The following PLCE1 variants were observed in gnomAD, a reference collection of about 807,000 sequenced individuals.
PLCE1 encodes the protein phospholipase C epsilon 1, also known as 1-phosphatidylinositol 4,5-bisphosphate phosphodiesterase epsilon-1.
In PLCE1, 119 loss-of-function variants were observed where a neutral mutation model predicts 242.8. The ratio of observed to expected loss-of-function variants is 0.49; its 90% confidence interval spans 0.42 to 0.57. The LOEUF (loss-of-function observed/expected upper bound fraction) is 0.57. Ranked by LOEUF, PLCE1 falls within the 20% of genes least tolerant of loss-of-function variation. PLCE1 has a pLI of 0.00. For missense variants in PLCE1, 2,441 were observed against 2,788.8 expected (o/e 0.88, Z 2.81); for synonymous variants, 945 against 1,017.4 (o/e 0.93, Z 1.35).
intron 1 of PLCE1, among the ~76,000 whole-genome samples, chr10:94,009,608 A>T (rs993717948): frequency 1.3e-5 from 2 of 152,234 alleles, no homozygotes; most frequent in Non-Finnish European, 2.9e-5. Flanking sequence ...AGTCTATAAA[A>T]TCAAAACAAC....
chr10:94,206,908 T>G (rs1188806754), intron 4 of PLCE1, among the ~76,000 whole-genome samples: 1 of 152,252 alleles, frequency 6.6e-6, no homozygotes, highest in Admixed American at 6.5e-5. Context: ...AACTTTAAAG[T>G]ACAGCTGTCA....
At chr10:94,105,681 G>A (rs1047896908) in intron 2 of PLCE1, 5 of 152,132 alleles carry the variant, frequency 3.3e-5, no homozygotes, top group Non-Finnish European at 1.5e-5. Flanking sequence ...CAATAAATAT[G>A]TGTTGAATGA....
intron 1 of PLCE1, among the ~76,000 whole-genome samples, chr10:94,001,853 G>A (rs2060938411): frequency 6.6e-6 from 1 of 152,162 alleles, no homozygotes; most frequent in African/African-American, 2.4e-5. Context: ...TCAGAAAGGT[G>A]GATAAAATTC....
At chr10:94,255,311 C>A (rs1245453700) in intron 11 of PLCE1, among the ~76,000 whole-genome samples, 1 of 152,160 alleles carries the variant, frequency 6.6e-6, no homozygotes, top group African/African-American at 2.4e-5. Flanking sequence ...AGTACACTAG[C>A]CACTAACTAG....
chr10:94,267,910 G>A (rs1156511388), intron 16 of PLCE1, among the ~76,000 whole-genome samples: 1 of 152,210 alleles, frequency 6.6e-6, no homozygotes, highest in Non-Finnish European at 1.5e-5. Context: ...CACTATCTGA[G>A]CTTAGTTGCA....
intron 20 of PLCE1, chr10:94,283,547 T>A: frequency 2.6e-6 from 1 of 386,414 alleles, no homozygotes; most frequent in South Asian, 2.2e-5. Context: ...TTTTGAATCA[T>A]TTAAATTATG....
intron 2 of PLCE1, among the ~76,000 whole-genome samples, chr10:94,082,591 A>G (rs917777908): frequency 2.0e-5 from 3 of 152,174 alleles, no homozygotes; most frequent in Admixed American, 2.0e-4. Context: ...TGTGTTCTTC[A>G]TCATATATCA....
intron 4 of PLCE1, among the ~76,000 whole-genome samples, chr10:94,221,435 C>A (rs536621408): frequency 8.5e-5 from 13 of 152,328 alleles, no homozygotes; most frequent in Admixed American, 3.3e-4. Flanking sequence ...ACATAAACTA[C>A]TTGAAAGTAG....
chr10:94,156,654 T>C (rs113839300), intron 3 of PLCE1, among the ~76,000 whole-genome samples: 1 of 152,158 alleles, frequency 6.6e-6, no homozygotes, highest in East Asian at 1.9e-4. Flanking sequence ...CACCTCAGCA[T>C]GATTAATTTA....
chr10:94,278,929 G>A (rs11187838), intron 19 of PLCE1, among the ~76,000 whole-genome samples: 66,618 of 151,712 alleles, frequency 0.44, 14,628 homozygotes, highest in Middle Eastern at 0.62. Flanking sequence ...AATCTATATA[G>A]TATATTCAAT....
At chr10:94,283,699 A>G (rs1564859952) in intron 20 of PLCE1, 91 bp from the exon 21 acceptor site, 1 of 1,311,528 alleles carries the variant, frequency 7.6e-7, no homozygotes, top group Non-Finnish European at 1.1e-6. Context: ...AGATAAGTAC[A>G]AGTATCTGGA....
intron 21 of PLCE1, 132 bp from the exon 22 acceptor site, chr10:94,284,716 T>A: frequency 1.5e-6 from 1 of 681,236 alleles, no homozygotes; most frequent in Admixed American, 2.2e-5. Context: ...TTGGGACATG[T>A]ATATGGATAA....
At chr10:94,266,100 T>A in intron 16 of PLCE1, 142 bp downstream of exon 16, 2 of 781,648 alleles carry the variant, frequency 2.6e-6, no homozygotes, top group Non-Finnish European at 4.3e-6. Context: ...GGAACCATGA[T>A]GTGTGGGAAA....
chr10:94,327,915 T>A, intron 32 of PLCE1, 53 bp from the exon 33 acceptor site: 5 of 510,614 alleles, frequency 9.8e-6, no homozygotes, highest in Non-Finnish European at 2.0e-5. Context: ...CCGCAAGTGT[T>A]TCTGTTTCTT....
intron 28 of PLCE1, 103 bp downstream of exon 28, chr10:94,313,485 A>T: frequency 7.4e-7 from 1 of 1,351,136 alleles, no homozygotes; most frequent in Non-Finnish European, 1.1e-6. Context: ...ATGCACATGA[A>T]TGCGCAAAAG....
At chr10:94,075,047 C>T (rs1035340647) in intron 2 of PLCE1, among the ~76,000 whole-genome samples, 3 of 150,946 alleles carry the variant, frequency 2.0e-5, no homozygotes, top group Non-Finnish European at 4.4e-5. Context: ...TGCCTGCCTT[C>T]TTCCCCTTCT....
intron 29 of PLCE1, 124 bp from the exon 30 acceptor site, chr10:94,321,777 T>C: frequency 1.4e-6 from 1 of 695,516 alleles, no homozygotes; most frequent in Non-Finnish European, 2.5e-6. Flanking sequence ...TAACATAGTA[T>C]ATGAGATATT....
intron 22 of PLCE1, among the ~76,000 whole-genome samples, chr10:94,291,050 G>A (rs1424926066): frequency 1.3e-5 from 2 of 152,166 alleles, no homozygotes; most frequent in African/African-American, 2.4e-5. Context: ...ACTGTACATC[G>A]CTTGTCTAGT....
At chr10:93,995,167 G>C (rs138011844) in intron 1 of PLCE1, among the ~76,000 whole-genome samples, 1 of 152,194 alleles carries the variant, frequency 6.6e-6, no homozygotes, top group Admixed American at 6.5e-5. Flanking sequence ...GTGGAAGCAG[G>C]TGACCCCATA....
Sources: gnomAD v4.1 joint callset for allele counts (sites outside exome capture counted in the v4.1 genomes callset) on GRCh38, gnomAD v4.1.1 for gene constraint, MANE v1.5 for transcripts, NCBI Gene and HGNC (gene_info 2026-07-23, HGNC 2026-07-21) for gene names.